ADGRF1: variants seen among roughly 807,000 people sequenced by gnomAD.
ADGRF1 encodes the protein G protein-coupled receptor 110.
A neutral mutation model predicts 87.2 loss-of-function variants in ADGRF1; 85 were observed. The observed-to-expected ratio is 0.97, with a 90% CI of 0.82 to 1.17. The LOEUF (loss-of-function observed/expected upper bound fraction) is 1.17. Ranked by LOEUF, ADGRF1 falls within the 50% of genes most tolerant of loss-of-function variation. The pLI is 0.00. For missense variants in ADGRF1, 1,169 were observed against 1,077.2 expected (o/e 1.09, Z -1.19); for synonymous variants, 430 against 408.8 (o/e 1.05, Z -0.63).
rs780304791 is a variant in ADGRF1 at position 47,014,793 on chromosome 6, G to A, written c.815C>T (p.Thr272Ile). 1 of 1,613,798 alleles carries A rather than the reference G, an allele frequency of 6.2e-7. No individual in the cohort carries two copies. The highest frequency in any genetic ancestry group is 8.5e-7 in the Non-Finnish European group (1 of 1,179,868). Residue 272 changes from threonine (T) to isoleucine (I), a missense_variant, in exon 9 of 15, where the codon ACC becomes ATC. Transcript: ENST00000371253. ...CCTGTAGCCACTGCTGCAGGGCAGGGTATATTCATCATCCTTGGACCCAAA... is the reference window on the plus strand; with the variant it reads ...CCTGTAGCCACTGCTGCAGGGCAGGATATATTCATCATCCTTGGACCCAAA... ...FGFGSKDDEY[T>I]LPCSSGYRGN...
At chr6:47,002,054 C>T (rs1383948067) in intron 13 of ADGRF1, 2 of 152,922 alleles carry the variant, frequency 1.3e-5, no homozygotes, top group African/African-American at 4.8e-5. Context: ...AATAATTTAA[C>T]AGCTGAATTA....
intron 1 of ADGRF1, among the ~76,000 whole-genome samples, chr6:47,034,707 T>C (rs186018914): frequency 1.0e-3 from 154 of 152,338 alleles, no homozygotes; most frequent in Non-Finnish European, 1.3e-3. Flanking sequence ...TTTTGGGAAC[T>C]TCTGGTTACC....
chr6:47,033,103 G>A (rs866775766), intron 1 of ADGRF1, among the ~76,000 whole-genome samples: 18 of 152,350 alleles, frequency 1.2e-4, no homozygotes, highest in African/African-American at 4.3e-4. Flanking sequence ...ATGAGGAGCT[G>A]TTGTTGTCAT....
intron 11 of ADGRF1, 88 bp downstream of exon 11, chr6:47,008,857 G>C: frequency 8.9e-7 from 1 of 1,122,564 alleles, no homozygotes; most frequent in East Asian, 2.4e-5. Context: ...AGGGAGATGA[G>C]ATAATCTCCA....
At chr6:47,014,865 C>T (rs1779818391) in intron 8 of ADGRF1, 21 bp from the exon 9 acceptor site, 1 of 1,577,208 alleles carries the variant, frequency 6.3e-7, no homozygotes, top group African/African-American at 1.4e-5. Context: ...AAGAAAACAA[C>T]AAAGAAAAAT....
chr6:47,031,257 GTCTC>G (rs1182944456), intron 1 of ADGRF1, among the ~76,000 whole-genome samples: 37 of 150,538 alleles, frequency 2.5e-4, no homozygotes, highest in Admixed American at 2.4e-3. Context: ...CTCACTCTGT[GTCTC>G]TCTCTCTCTT....
chr6:47,031,825 C>T (rs1457805511), intron 1 of ADGRF1, among the ~76,000 whole-genome samples: 1 of 152,164 alleles, frequency 6.6e-6, no homozygotes, highest in Non-Finnish European at 1.5e-5. Context: ...CTCCTGGTTA[C>T]AAGTGATCCT....
rs777456805 is a variant in ADGRF1, at chr6:47,010,143, C to T, written c.1292G>A (p.Trp431Ter). The change falls in exon 11 of 15, where the codon TGG (tryptophan) becomes TAG (stop). Residue 431 changes from tryptophan to a stop codon, truncating the protein, a stop_gained. Coordinates refer to ENST00000371253, the MANE Select transcript of ADGRF1 (RefSeq NM_153840.4). LOFTEE classifies it high-confidence loss of function. ...PLNFSRKFID[W>*]KGIPVNKSQL... is the part of the protein sequence containing the mutation. ...GCTTTTGTTCACTGGAATCCCTTTC[C>T]AGTCAATGAATTTCCGAGAAAAATT... The T allele has an allele frequency of 4.3e-6, 7 of 1,614,002 alleles. No individual in the cohort carries two copies. In the East Asian group the frequency reaches 1.1e-4, roughly 26 times the overall value.
intron 6 of ADGRF1, among the ~76,000 whole-genome samples, chr6:47,021,643 G>A (rs1200848374): frequency 6.6e-6 from 1 of 152,108 alleles, no homozygotes; most frequent in Non-Finnish European, 1.5e-5. Flanking sequence ...TTACAGGCGT[G>A]AGCCACCATG....
At chr6:47,006,678 T>A (rs890024313) in intron 12 of ADGRF1, among the ~76,000 whole-genome samples, 2 of 152,126 alleles carry the variant, frequency 1.3e-5, no homozygotes, top group African/African-American at 2.4e-5. Context: ...CTCACCCCCT[T>A]CCCACCCTTT....
chr6:47,000,130 G>T lies in ADGRF1; in HGVS notation c.*92C>A. 4.2e-6 allele frequency: 4 copies of T among 947,706 alleles called. No individual in the cohort carries two copies. Among genetic ancestry groups the T allele is most frequent in the Non-Finnish European group, 6.7e-6 (4 of 598,502 alleles). 58.7% of individuals were successfully genotyped at this position (947,706 alleles called of 1,614,324 possible). A position where few individuals can be genotyped will look rare whatever the true frequency, so the allele number is the denominator to read the frequency against. On this transcript the variant is annotated 3_prime_UTR_variant, in exon 15 of 15. Coordinates refer to ENST00000371253, the MANE Select transcript of ADGRF1 (RefSeq NM_153840.4). Reference sequence around the variant, plus strand: ...CCCAGACCCCTAAATCAGAAAACCCGATCGAATACTGAGCATAATTTCTTC... The same window carrying T: ...CCCAGACCCCTAAATCAGAAAACCCTATCGAATACTGAGCATAATTTCTTC...
In ADGRF1 at chr6:47,010,253, C is replaced by T; in HGVS notation, c.1182G>A (p.Leu394=). The T allele has an allele frequency of 6.2e-7, 1 of 1,613,884 alleles. No individual in the cohort carries two copies. Among genetic ancestry groups the T allele is most frequent in the Non-Finnish European group, 8.5e-7 (1 of 1,179,960 alleles). The part of the protein sequence containing the change: ...SASVTNWTVL[L]REEKYASSRL... ...GTGAGCTGGCATACTTTTCTTCCCG[C>T]AGTAAGACTGTCCAGTTGGTTACTG... Residue 394 remains leucine, a synonymous_variant, in exon 11 of 15, where the codon CTG becomes CTA. Transcript: ENST00000371253.
chr6:47,009,174 A>G lies in ADGRF1; in HGVS notation c.2261T>C (p.Ile754Thr), dbSNP rs956319245. The change falls in exon 11 of 15, where the codon ATT becomes ACT. Residue 754 changes from isoleucine (I) to threonine (T), a missense_variant. Coordinates refer to ENST00000371253, the MANE Select transcript of ADGRF1 (RefSeq NM_153840.4). ...LLAFVVPALA[I>T]VAVNFVVVLL... ...CACCACAACGAAGTTCACAGCCACA[A>G]TAGCCAGTGCAGGGACAACAAAAGC... 1.2e-6 allele frequency: 2 copies of G among 1,614,066 alleles called. No homozygotes were observed. The highest frequency in any genetic ancestry group is 1.7e-6 in the Non-Finnish European group (2 of 1,180,042).
intron 3 of ADGRF1, among the ~76,000 whole-genome samples, chr6:47,026,869 T>G (rs1780252128): frequency 6.6e-6 from 1 of 152,128 alleles, no homozygotes; most frequent in Non-Finnish European, 1.5e-5. Context: ...CAAGACCCAC[T>G]TCTCGTCCAC....
At position 47,011,691 on chromosome 6, in the gene ADGRF1, G is replaced by A. The variant is rs181746856; in HGVS notation, c.1116+316C>T. On this transcript the variant is annotated intron_variant, in intron 10 of 14. Coordinates refer to ENST00000371253, the MANE Select transcript of ADGRF1 (RefSeq NM_153840.4). ...ATACACTGTTCAAGTCTGAGCTTGC[G>A]GCCACAGGAAAGAAAAATTATAGAT... Among the ~76,000 whole-genome samples the A allele has an allele frequency of 1.1e-3, 172 of 152,228 alleles. 1 individual carries two copies. Among genetic ancestry groups the A allele is most frequent in the Admixed American group, 4.7e-3 (72 of 15,276 alleles).
rs1462726020 is a variant in ADGRF1, at chr6:46,998,640, G to A, written c.*1582C>T. 6.6e-6 allele frequency: 1 copy of A among 152,180 alleles called. No individual in the cohort carries two copies. The highest frequency in any genetic ancestry group is 1.9e-4 in the East Asian group (1 of 5,192). 9.4% of individuals were successfully genotyped at this position (152,180 alleles called of 1,614,324 possible). A position where few individuals can be genotyped will look rare whatever the true frequency, so the allele number is the denominator to read the frequency against. ...TAATTGTTGTGGTTCTGAGAAATCT[G>A]AGCTATCTGAGCTATCTGAGAAATC... On this transcript the variant is annotated 3_prime_UTR_variant, in exon 15 of 15. Coordinates refer to ENST00000371253, the MANE Select transcript of ADGRF1 (RefSeq NM_153840.4).
chr6:47,022,432 T>C (rs1392610677), intron 5 of ADGRF1, among the ~76,000 whole-genome samples: 2 of 152,256 alleles, frequency 1.3e-5, no homozygotes, highest in East Asian at 3.8e-4. Context: ...CACTACTTGC[T>C]AACTCCAACA....
chr6:47,034,117 C>A (rs1317193473), intron 1 of ADGRF1, among the ~76,000 whole-genome samples: 1 of 152,226 alleles, frequency 6.6e-6, no homozygotes, highest in Non-Finnish European at 1.5e-5. Context: ...GTTTGTACCT[C>A]TTCCGTGAGG....
At chr6:47,029,209 C>A in intron 1 of ADGRF1, 105 bp from the exon 2 acceptor site, 1 of 633,634 alleles carries the variant, frequency 1.6e-6, no homozygotes. Context: ...CTGATCCGAA[C>A]CCCTGGGTGT....
Sources: allele counts gnomAD v4.1 joint callset (sites outside exome capture counted in the v4.1 genomes callset), GRCh38; gene constraint gnomAD v4.1.1; transcripts MANE v1.5; gene names NCBI Gene and HGNC (gene_info 2026-07-23, HGNC 2026-07-21).